SNX19: variants seen among roughly 807,000 people sequenced by gnomAD.
SNX19 encodes the protein sorting nexin-19.
SNX19 carries 60 observed loss-of-function variants against 85.2 expected under a neutral mutation model. That is an observed-to-expected ratio of 0.70 (90% CI 0.57 to 0.87). SNX19 has a LOEUF of 0.87. SNX19 is among the 40% of genes least tolerant of loss of function. The pLI is 0.00. For missense variants in SNX19, 1,201 were observed against 1,217.8 expected, an observed-to-expected ratio of 0.99 and a Z score of 0.21; for synonymous variants, 520 against 470.0, an observed-to-expected ratio of 1.11 and a Z score of -1.38.
rs972064831 is a variant in SNX19, at chr11:130,874,309, G to A, written c.*4113C>T. Among the ~76,000 whole-genome samples, 4 of 152,140 alleles carry A rather than the reference G, an allele frequency of 2.6e-5. No homozygotes were observed. Among genetic ancestry groups the A allele is most frequent in the African/African-American group, 4.8e-5 (2 of 41,436 alleles). Reference sequence around the variant, plus strand: ...AGTGTTGAGATTATAGGTGTGAGCCGCTGTGCCCGGCCTAGAAGAGGATTC... The same window carrying A: ...AGTGTTGAGATTATAGGTGTGAGCCACTGTGCCCGGCCTAGAAGAGGATTC... On this transcript the variant is annotated 3_prime_UTR_variant, in exon 11 of 11. Transcript: ENST00000265909.
Position 130,903,272 on chromosome 11 carries a change from A to AT in SNX19, c.2555_2556insA (p.Phe852LeufsTer15). The AT allele has an allele frequency of 1.2e-6, 2 of 1,613,876 alleles. No individual in the cohort carries two copies. Among genetic ancestry groups the AT allele is most frequent in the Non-Finnish European group, 1.7e-6 (2 of 1,179,780 alleles). ...AGTCTTACCTTTGAACTAGGGTCCCAAAGATAAGACGAAGAAACTTTTGCA... is the reference window on the plus strand; with the variant it reads ...AGTCTTACCTTTGAACTAGGGTCCCATAAGATAAGACGAAGAAACTTTTGCA... On this transcript the variant is annotated frameshift_variant, in exon 8 of 11. Transcript: ENST00000265909. LOFTEE classifies it high-confidence loss of function.
At position 130,894,733 on chromosome 11, in the gene SNX19, C is replaced by T. The variant is rs1944753068; in HGVS notation, c.2573+8522G>A. On this transcript the variant is annotated intron_variant, in intron 8 of 10. Transcript: ENST00000265909. ...AGCTGGCTAAAAATATTCCAGGTTG[C>T]TTTTTATTTGAAAGTAGAATGCCCC... 3.0e-6 allele frequency: 3 copies of T among 985,268 alleles called. No individual in the cohort carries two copies. The South Asian group carries it at 1.4e-4, about 46-fold the overall frequency. The allele number at this position is 985,268 out of a possible 1,614,324, so 61.0% of individuals were successfully genotyped here. A position where few individuals can be genotyped will look rare whatever the true frequency, so the allele number is the denominator to read the frequency against.
At chr11:130,882,938 C>G (rs1307460722) in intron 8 of SNX19, among the ~76,000 whole-genome samples, 1 of 152,204 alleles carries the variant, frequency 6.6e-6, no homozygotes, top group Non-Finnish European at 1.5e-5. Context: ...CATGTTGTAA[C>G]ATGCCAGCAA....
At chr11:130,905,661 A>C in intron 7 of SNX19, 1 of 1,501,272 alleles carries the variant, frequency 6.7e-7, no homozygotes, top group South Asian at 1.3e-5. Context: ...CTGATATGCC[A>C]AAGCATGCCA....
At position 130,871,475 on chromosome 11, in the gene SNX19, A is replaced by G. The variant is rs1363045594; in HGVS notation, c.*6947T>C. ...TGTTTTTCCTCCCTTAATAAGGTCT[A>G]TTCTTCTTGGTGTCAAGGTATGAAA... is the stretch of plus-strand genomic sequence containing the variant. On this transcript the variant is annotated 3_prime_UTR_variant, in exon 11 of 11. Coordinates refer to ENST00000265909, the MANE Select transcript of SNX19 (RefSeq NM_014758.3). Among the ~76,000 whole-genome samples the G allele has an allele frequency of 1.3e-5, 2 of 152,216 alleles. No homozygotes were observed. The highest frequency in any genetic ancestry group is 2.9e-5 in the Non-Finnish European group (2 of 68,026).
At chr11:130,912,545 T>C (rs1222663357) in intron 1 of SNX19, among the ~76,000 whole-genome samples, 1 of 152,186 alleles carries the variant, frequency 6.6e-6, no homozygotes, top group African/African-American at 2.4e-5. Flanking sequence ...GGGAGAAGTA[T>C]ATATGTGCGC....
intron 1 of SNX19, among the ~76,000 whole-genome samples, chr11:130,912,850 G>A (rs1212322980): frequency 1.3e-5 from 2 of 152,102 alleles, no homozygotes; most frequent in South Asian, 2.1e-4. Context: ...TTTCAACACC[G>A]TTATGGTTAC....
chr11:130,903,487 A>C, intron 7 of SNX19, 103 bp from the exon 8 acceptor site: 1 of 1,291,848 alleles, frequency 7.7e-7, no homozygotes, highest in Non-Finnish European at 1.0e-6. Context: ...CTTCATGCCA[A>C]TCATCTGGTA....
chr11:130,889,702 T>A (rs1257417600), intron 8 of SNX19, among the ~76,000 whole-genome samples: 4 of 152,254 alleles, frequency 2.6e-5, no homozygotes, highest in Non-Finnish European at 2.9e-5. Flanking sequence ...TTTATCTGAA[T>A]TTTTTTGTCA....
chr11:130,873,270 T>C lies in SNX19; in HGVS notation c.*5152A>G, dbSNP rs954520054. Among the ~76,000 whole-genome samples the C allele has an allele frequency of 3.9e-5, 6 of 152,192 alleles. No individual in the cohort carries two copies. Among genetic ancestry groups the C allele is most frequent in the Admixed American group, 6.5e-5 (1 of 15,288 alleles). ...CACAGCCACACTTGTTTATGAATTG[T>C]CTACAACTGTTTTTACGCTACAGTG... On this transcript the variant is annotated 3_prime_UTR_variant, in exon 11 of 11. Coordinates refer to ENST00000265909, the MANE Select transcript of SNX19 (RefSeq NM_014758.3).
At chr11:130,914,154 G>C in intron 1 of SNX19, 112 bp downstream of exon 1, 2 of 876,940 alleles carry the variant, frequency 2.3e-6, no homozygotes, top group Non-Finnish European at 3.5e-6. Context: ...GATGCCTATT[G>C]AAAGAACCAC....
In SNX19 at chr11:130,868,211, ACT is replaced by A. The variant is rs1942855399; in HGVS notation, c.*10209_*10210del. ...CCCTTTTCACACACTGGGGGCAGAC[ACT>A]CTCTCCTACTGACAGGAAGAGAATT... On this transcript the variant is annotated 3_prime_UTR_variant, in exon 11 of 11. Transcript: ENST00000265909. 6.6e-6 allele frequency: 1 copy of A among 151,904 alleles called. No homozygotes were observed. The highest frequency in any genetic ancestry group is 2.4e-5 in the African/African-American group (1 of 41,306). The allele number at this position is 151,904 out of a possible 1,614,324, so 9.4% of individuals were successfully genotyped here.
chr11:130,904,700 TTTTG>T (rs1945520820), intron 7 of SNX19, among the ~76,000 whole-genome samples: 2 of 151,642 alleles, frequency 1.3e-5, no homozygotes, highest in Admixed American at 1.3e-4. Context: ...GTAGATTTTT[TTTTG>T]TTTTTTATAA....
chr11:130,879,361 CAT>C (rs1565503940), intron 10 of SNX19, among the ~76,000 whole-genome samples: 1 of 152,072 alleles, frequency 6.6e-6, no homozygotes, highest in African/African-American at 2.4e-5. Context: ...TGGGGGCCTG[CAT>C]AGAGTTCTTC....
At position 130,915,645 on chromosome 11, in the gene SNX19, C is replaced by T; in HGVS notation, c.295G>A (p.Glu99Lys). The part of the protein sequence containing the change: ...PPCPEAERQL[E>K]REINRTIQMI... ...TGGATGGTGCGGTTGATCTCCCGTT[C>T]CAGCTGCCTTTCTGCCTCAGGGCAT... is the stretch of plus-strand genomic sequence containing the variant. The change falls in exon 1 of 11, where the codon GAA (glutamate) becomes AAA (lysine). Residue 99 changes from glutamate (E) to lysine (K), a missense_variant. By Grantham distance (56) the Glu-to-Lys change is moderately conservative (BLOSUM62 1). This residue lies in a region of SNX19 where 791 missense variants were observed against 750.9 expected (regional missense o/e 1.05). Transcript: ENST00000265909. 6.2e-7 allele frequency: 1 copy of T among 1,614,252 alleles called. No individual in the cohort carries two copies. Among genetic ancestry groups the T allele is most frequent in the African/African-American group, 1.3e-5 (1 of 75,070 alleles).
Position 130,916,141 on chromosome 11 carries a change from A to T in SNX19, c.-202T>A. On this transcript the variant is annotated 5_prime_UTR_variant, in exon 1 of 11. Coordinates refer to ENST00000265909, the MANE Select transcript of SNX19 (RefSeq NM_014758.3). ...GCGTCTCCCCATGGCTACCACTAAC[A>T]GAGCCCTCCAACTCGCCCCTTCCAG... 1.7e-6 allele frequency: 1 copy of T among 590,338 alleles called. No homozygotes were observed. Among genetic ancestry groups the T allele is most frequent in the Admixed American group, 3.0e-5 (1 of 33,338 alleles). 36.6% of individuals were successfully genotyped at this position (590,338 alleles called of 1,614,324 possible).
At position 130,869,554 on chromosome 11, in the gene SNX19, T is replaced by A. The variant is rs1228618512; in HGVS notation, c.*8868A>T. 1 of 152,212 alleles carries A rather than the reference T, an allele frequency of 6.6e-6. No individual in the cohort carries two copies. The highest frequency in any genetic ancestry group is 1.5e-5 in the Non-Finnish European group (1 of 68,032). 9.4% of individuals were successfully genotyped at this position (152,212 alleles called of 1,614,324 possible). The stretch of plus-strand genomic sequence containing the variant: ...GTCTGAACTGTTTTTACAACAGATT[T>A]TCCACAGAAAGCTCAACAAGTCACT... On this transcript the variant is annotated 3_prime_UTR_variant, in exon 11 of 11. Transcript: ENST00000265909.
chr11:130,873,493 T>C lies in SNX19; in HGVS notation c.*4929A>G, dbSNP rs7125622. ...TATACTACGTAGACTCAGAGGCAGA[T>C]TGACATGGTTTGTATCTAGGCTCTG... On this transcript the variant is annotated 3_prime_UTR_variant, in exon 11 of 11. Transcript: ENST00000265909. Among the ~76,000 whole-genome samples the C allele has an allele frequency of 0.44, 66,531 of 151,944 alleles. 14,857 individuals carry two copies. The highest frequency in any genetic ancestry group is 0.57 in the South Asian group (2,719 of 4,802).
chr11:130,879,282 T>C (rs1555124778), intron 10 of SNX19, among the ~76,000 whole-genome samples: 1 of 152,094 alleles, frequency 6.6e-6, no homozygotes, highest in Non-Finnish European at 1.5e-5. Context: ...CTGGCAGATG[T>C]TGGAAAGAGC....
Sources: allele counts gnomAD v4.1 joint callset (sites outside exome capture counted in the v4.1 genomes callset), GRCh38; gene constraint gnomAD v4.1.1; regional missense constraint gnomAD v4.1.1; transcripts MANE v1.5; gene names NCBI Gene and HGNC (gene_info 2026-07-23, HGNC 2026-07-21).